GABRA2: variants seen among roughly 807,000 people sequenced by gnomAD.
The protein encoded by GABRA2 is gamma-aminobutyric acid receptor subunit alpha-2.
Under a neutral mutation model 48.7 loss-of-function variants are expected in GABRA2, and 16 were observed. The observed-to-expected ratio is 0.33, with a 90% CI of 0.22 to 0.50. The LOEUF (loss-of-function observed/expected upper bound fraction) is 0.50. GABRA2 is among the 20% of genes least tolerant of loss of function. The probability of loss-of-function intolerance (pLI) is 0.98; values close to 1 mark genes in which losing one functional copy is unlikely to be tolerated. For synonymous variants in GABRA2, 185 were observed against 184.5 expected (o/e 1.00, Z -0.02); for missense variants, 275 against 535.6 (o/e 0.51, Z 4.80).
chr4:46,251,214 C>T (rs1477550385), intron 9 of GABRA2, among the ~76,000 whole-genome samples: 4 of 151,522 alleles, frequency 2.6e-5, no homozygotes, highest in Non-Finnish European at 5.9e-5. Context: ...ATCACAAACT[C>T]TTGTCTGAGT....
chr4:46,288,747 T>C (rs1266462358), intron 8 of GABRA2, among the ~76,000 whole-genome samples: 1 of 152,052 alleles, frequency 6.6e-6, no homozygotes, highest in Admixed American at 6.6e-5. Context: ...ATCTTCACAG[T>C]AAAGAAAACT....
intron 3 of GABRA2, among the ~76,000 whole-genome samples, chr4:46,377,264 G>A (rs1188695732): frequency 2.0e-5 from 3 of 149,710 alleles, no homozygotes; most frequent in Middle Eastern, 3.6e-3. Flanking sequence ...ATCTCTGCCC[G>A]GCCGCCATCC....
intron 9 of GABRA2, among the ~76,000 whole-genome samples, chr4:46,258,085 C>T (rs887742144): frequency 6.6e-6 from 1 of 151,630 alleles, no homozygotes; most frequent in South Asian, 2.1e-4. Flanking sequence ...TATATTACCT[C>T]GTAAGTTAAA....
chr4:46,276,148 A>ACATG (rs1720467517), intron 8 of GABRA2, among the ~76,000 whole-genome samples: 1 of 152,174 alleles, frequency 6.6e-6, no homozygotes, highest in Non-Finnish European at 1.5e-5. Flanking sequence ...AACACTTGAA[A>ACATG]CATGCTTCAT....
intron 3 of GABRA2, among the ~76,000 whole-genome samples, chr4:46,351,971 T>C (rs942821250): frequency 1.6e-5 from 2 of 121,556 alleles, no homozygotes; most frequent in African/African-American, 7.5e-5. Flanking sequence ...TACCAAAAAC[T>C]GGGTTTTTTT....
Position 46,246,905 on chromosome 4 carries a change from C to T in GABRA2, c.*3403G>A, listed in dbSNP as rs77670242. ...TTCATTGGAATGATGACCGGCCATGCCAAAGAAAAGTACTTTGGTGCTCTT... is the reference window on the plus strand; with the variant it reads ...TTCATTGGAATGATGACCGGCCATGTCAAAGAAAAGTACTTTGGTGCTCTT... On this transcript the variant is annotated 3_prime_UTR_variant, in exon 10 of 10. Coordinates refer to ENST00000381620, the MANE Select transcript of GABRA2 (RefSeq NM_000807.4). 1.6e-3 allele frequency among the ~76,000 whole-genome samples: 245 copies of T among 151,080 alleles called. No individual in the cohort carries two copies. Among genetic ancestry groups the T allele is most frequent in the African/African-American group, 5.5e-3 (229 of 41,396 alleles).
At chr4:46,275,654 C>T (rs1720343218) in intron 8 of GABRA2, among the ~76,000 whole-genome samples, 1 of 152,044 alleles carries the variant, frequency 6.6e-6, no homozygotes, top group South Asian at 2.1e-4. Flanking sequence ...TATAAACCGC[C>T]CCAATGTTAT....
intron 8 of GABRA2, among the ~76,000 whole-genome samples, chr4:46,301,469 G>T (rs1170643224): frequency 6.6e-6 from 1 of 152,096 alleles, no homozygotes; most frequent in Non-Finnish European, 1.5e-5. Context: ...GACCTATAAG[G>T]CCCTTCTCAT....
intron 8 of GABRA2, among the ~76,000 whole-genome samples, chr4:46,267,431 T>C (rs1402039292): frequency 6.6e-6 from 1 of 152,058 alleles, no homozygotes; most frequent in Non-Finnish European, 1.5e-5. Flanking sequence ...AAAGTCTTTG[T>C]GTGGTCAGTA....
intron 8 of GABRA2, among the ~76,000 whole-genome samples, chr4:46,282,550 AAG>A (rs1279548142): frequency 6.6e-6 from 1 of 152,196 alleles, no homozygotes; most frequent in Non-Finnish European, 1.5e-5. Flanking sequence ...CAGAATGACA[AAG>A]ATTCTGAAAT....
At chr4:46,267,722 AG>A (rs1718526530) in intron 8 of GABRA2, among the ~76,000 whole-genome samples, 1 of 152,136 alleles carries the variant, frequency 6.6e-6, no homozygotes, top group Non-Finnish European at 1.5e-5. Flanking sequence ...TTAATAGCTT[AG>A]GGGGTCATCT....
chr4:46,390,066 A>G lies in GABRA2; in HGVS notation c.-342T>C, dbSNP rs1305569355. The stretch of plus-strand genomic sequence containing the variant: ...ACAGGAGCTGGGGCCGGGGGGGGAA[A>G]TTGGGGGGACGCGGGCGGAGGCGCG... On this transcript the variant is annotated 5_prime_UTR_variant, in exon 1 of 10. Transcript: ENST00000381620. 1.2e-4 allele frequency: 15 copies of G among 124,602 alleles called. No homozygotes were observed. The highest frequency in any genetic ancestry group is 1.6e-4 in the Non-Finnish European group (15 of 90,970). The allele number at this position is 124,602 out of a possible 1,614,324, so 7.7% of individuals were successfully genotyped here.
At chr4:46,334,076 T>C (rs180928603) in intron 3 of GABRA2, among the ~76,000 whole-genome samples, 41 of 152,228 alleles carry the variant, frequency 2.7e-4, no homozygotes, top group African/African-American at 9.1e-4. Flanking sequence ...TGAAATTCTA[T>C]TATAAAAGCA....
At chr4:46,356,253 A>T (rs1047312270) in intron 3 of GABRA2, among the ~76,000 whole-genome samples, 2 of 152,158 alleles carry the variant, frequency 1.3e-5, no homozygotes, top group Non-Finnish European at 2.9e-5. Flanking sequence ...CCTTTTCCCA[A>T]GACCTTTAAT....
intron 3 of GABRA2, among the ~76,000 whole-genome samples, chr4:46,342,178 C>T (rs1363483740): frequency 1.3e-5 from 2 of 152,062 alleles, no homozygotes; most frequent in Non-Finnish European, 2.9e-5. Context: ...TGACACAAAG[C>T]TCAATGCGTT....
At chr4:46,352,123 C>T (rs576104178) in intron 3 of GABRA2, among the ~76,000 whole-genome samples, 1 of 152,156 alleles carries the variant, frequency 6.6e-6, no homozygotes, top group South Asian at 2.1e-4. Flanking sequence ...TTTGCCTTCA[C>T]TGAACTCAGA....
intron 4 of GABRA2, among the ~76,000 whole-genome samples, chr4:46,313,965 G>T (rs1018746947): frequency 2.6e-5 from 4 of 152,098 alleles, no homozygotes; most frequent in Non-Finnish European, 4.4e-5. Flanking sequence ...CTCAAAACTT[G>T]AAACTGTGAT....
rs555361486 is a variant in GABRA2, at chr4:46,243,901, A to G, written c.*6407T>C. 6.6e-6 allele frequency: 1 copy of G among 151,608 alleles called. No homozygotes were observed. Among genetic ancestry groups the G allele is most frequent in the African/African-American group, 2.4e-5 (1 of 41,404 alleles). The allele number at this position is 151,608 out of a possible 1,614,324, so 9.4% of individuals were successfully genotyped here. ...TTTATTCCTTTTATTTTCTATTCAA[A>G]TGTAGCAATAAGTATGACATTTTTT... On this transcript the variant is annotated 3_prime_UTR_variant, in exon 10 of 10. Transcript: ENST00000381620.
chr4:46,253,647 CT>C (rs1003853465), intron 9 of GABRA2, among the ~76,000 whole-genome samples: 3 of 151,458 alleles, frequency 2.0e-5, no homozygotes, highest in African/African-American at 7.3e-5. Context: ...AAAGTGCTCT[CT>C]TGTAACTTGG....
Sources: gnomAD v4.1 joint callset for allele counts (sites outside exome capture counted in the v4.1 genomes callset) on GRCh38, gnomAD v4.1.1 for gene constraint, MANE v1.5 for transcripts, NCBI Gene and HGNC (gene_info 2026-07-23, HGNC 2026-07-21) for gene names.